NALCN: variants seen among roughly 807,000 people sequenced by gnomAD.
The protein encoded by NALCN is sodium leak channel, non-selective.
A neutral mutation model predicts 225.3 loss-of-function variants in NALCN; 111 were observed. The observed-to-expected ratio is 0.49, with a 90% confidence interval of 0.42 to 0.58. NALCN has a LOEUF of 0.58. Among genes scored for constraint, NALCN ranks in the 20% least tolerant of loss-of-function variants. NALCN has a pLI of 0.00. For missense variants in NALCN, 1,378 were observed against 2,202.4 expected (o/e 0.63, Z 7.49); for synonymous variants, 764 against 769.0 (o/e 0.99, Z 0.11).
chr13:101,055,669 A>G (rs1231775703), intron 43 of NALCN, among the ~76,000 whole-genome samples, 181 bp from the exon 44 acceptor site: 1 of 151,638 alleles, frequency 6.6e-6, no homozygotes, highest in Admixed American at 6.6e-5. Context: ...TTTTTTTTTA[A>G]TTGTGCTCAT....
chr13:101,152,194 T>C (rs551984346), intron 15 of NALCN, among the ~76,000 whole-genome samples: 3 of 152,216 alleles, frequency 2.0e-5, no homozygotes, highest in East Asian at 1.9e-4. Flanking sequence ...AAAAGCTACA[T>C]TTTTATGTGA....
chr13:101,166,114 T>G (rs1230462222), intron 15 of NALCN, among the ~76,000 whole-genome samples: 1 of 152,232 alleles, frequency 6.6e-6, no homozygotes, highest in African/African-American at 2.4e-5. Flanking sequence ...TTTCCTTGCG[T>G]GTAGATACCA....
chr13:101,093,663 T>C (rs1200657682), intron 28 of NALCN, among the ~76,000 whole-genome samples: 1 of 152,210 alleles, frequency 6.6e-6, no homozygotes, highest in Admixed American at 6.5e-5. Context: ...ATGGACTAGG[T>C]TGAGTGCTAT....
chr13:101,263,699 A>G (rs2042505966), intron 10 of NALCN, among the ~76,000 whole-genome samples: 1 of 152,226 alleles, frequency 6.6e-6, no homozygotes, highest in Non-Finnish European at 1.5e-5. Context: ...CAGAGTTATT[A>G]AAATAATCAC....
chr13:101,336,214 G>T (rs190959119), intron 7 of NALCN, among the ~76,000 whole-genome samples: 1 of 152,192 alleles, frequency 6.6e-6, no homozygotes, highest in African/African-American at 2.4e-5. Context: ...CACCAGTGAT[G>T]AAAATAATAA....
In NALCN at chr13:101,074,696, G is replaced by GAC; in HGVS notation, c.3955-35_3955-34insGT. On this transcript the variant is annotated intron_variant, in intron 35 of 43. Transcript: ENST00000251127. ...CAGGGGTGGGAAGCGGGGAGACAGAGAGAGAGAGAGAGAGAGACAGAGACA... is the reference window on the plus strand; with the variant it reads ...CAGGGGTGGGAAGCGGGGAGACAGAGACAGAGAGAGAGAGAGAGACAGAGACA... 5 of 1,182,254 alleles carry GAC rather than the reference G, an allele frequency of 4.2e-6. No individual in the cohort carries two copies. The South Asian group carries it at 5.5e-5, about 13-fold the overall frequency. The allele number at this position is 1,182,254 out of a possible 1,614,324, so 73.2% of individuals were successfully genotyped here.
In NALCN at chr13:101,230,148, G is replaced by C. The variant is rs531127620; in HGVS notation, c.1435-564C>G. ...GTTTAGACTTGGGTCCCATTCCCAG[G>C]ATATCTCATTATGCACATACATACA... On this transcript the variant is annotated intron_variant, in intron 12 of 43. Transcript: ENST00000251127. Among the ~76,000 whole-genome samples, 13 of 152,236 alleles carry C rather than the reference G, an allele frequency of 8.5e-5. No homozygotes were observed. In the South Asian group the frequency reaches 2.7e-3, roughly 32 times the overall value.
rs527657008 is a variant in NALCN, at chr13:101,258,524, G to A, written c.1185C>T (p.Thr395=). ...VFHMFILSMV[T]VDVIVAASNY... Reference sequence around the variant, plus strand: ...TGCTAGCCGCCACGATCACGTCCACGGTCACCATGCTCAGGATGAACATGT... The same window carrying A: ...TGCTAGCCGCCACGATCACGTCCACAGTCACCATGCTCAGGATGAACATGT... The change falls in exon 11 of 44, where the codon ACC becomes ACT. Residue 395 remains threonine, a synonymous_variant. Transcript: ENST00000251127. 13 of 1,614,084 alleles carry A rather than the reference G, an allele frequency of 8.1e-6. No individual in the cohort carries two copies. The highest frequency in any genetic ancestry group is 3.3e-4 in the Middle Eastern group (2 of 6,062).
At chr13:101,257,608 AG>A (rs2042282470) in intron 11 of NALCN, among the ~76,000 whole-genome samples, 1 of 152,062 alleles carries the variant, frequency 6.6e-6, no homozygotes, top group African/African-American at 2.4e-5. Context: ...CTGTCTTTTC[AG>A]TTTACTTTTT....
intron 17 of NALCN, among the ~76,000 whole-genome samples, chr13:101,141,692 G>C (rs1457530164): frequency 6.6e-6 from 1 of 151,990 alleles, no homozygotes; most frequent in African/African-American, 2.4e-5. Flanking sequence ...GAGAAAAAGG[G>C]GAGGCGAGAT....
intron 17 of NALCN, among the ~76,000 whole-genome samples, chr13:101,129,078 T>C (rs2036385117): frequency 6.6e-6 from 1 of 152,190 alleles, no homozygotes. Flanking sequence ...GGTCTTGATG[T>C]TCATTTCTTA....
intron 13 of NALCN, among the ~76,000 whole-genome samples, chr13:101,195,995 T>C (rs1299791672): frequency 6.6e-6 from 1 of 152,170 alleles, no homozygotes; most frequent in African/African-American, 2.4e-5. Flanking sequence ...TAGTCAATGT[T>C]TCCTATGAAA....
intron 30 of NALCN, among the ~76,000 whole-genome samples, chr13:101,087,679 C>T (rs1408091884): frequency 6.6e-6 from 1 of 152,160 alleles, no homozygotes; most frequent in Non-Finnish European, 1.5e-5. Flanking sequence ...TTACTCTTTC[C>T]TACCTGCAGA....
chr13:101,343,842 C>T (rs2046280011), intron 7 of NALCN, among the ~76,000 whole-genome samples: 1 of 152,144 alleles, frequency 6.6e-6, no homozygotes, highest in African/African-American at 2.4e-5. Context: ...GAATATAATG[C>T]TGCATTTTGA....
chr13:101,334,463 T>G (rs200843737), intron 7 of NALCN, among the ~76,000 whole-genome samples: 1 of 113,422 alleles, frequency 8.8e-6, no homozygotes, highest in South Asian at 2.9e-4. Context: ...ATGGGATGAA[T>G]ACATACATTC....
intron 13 of NALCN, among the ~76,000 whole-genome samples, chr13:101,227,558 G>T (rs2041193746): frequency 6.6e-6 from 1 of 152,124 alleles, no homozygotes; most frequent in Non-Finnish European, 1.5e-5. Flanking sequence ...AGGTTGCTGG[G>T]GGAGTGTGCT....
chr13:101,374,293 T>TTTTA, intron 6 of NALCN, among the ~76,000 whole-genome samples: 1 of 147,516 alleles, frequency 6.8e-6, no homozygotes, highest in African/African-American at 2.5e-5. Context: ...TTTTTTTTTT[T>TTTTA]GAGACGGAGT....
intron 22 of NALCN, 107 bp from the exon 23 acceptor site, chr13:101,105,057 C>A: frequency 1.1e-6 from 1 of 915,110 alleles, no homozygotes; most frequent in Non-Finnish European, 1.7e-6. Context: ...CTTTTACAGC[C>A]TCTCTACAAT....
chr13:101,153,856 T>C (rs912395192), intron 15 of NALCN, among the ~76,000 whole-genome samples: 1 of 152,230 alleles, frequency 6.6e-6, no homozygotes, highest in South Asian at 2.1e-4. Flanking sequence ...AGACTATCAA[T>C]TATGTACAGA....
Sources: allele counts gnomAD v4.1 joint callset (sites outside exome capture counted in the v4.1 genomes callset), GRCh38; gene constraint gnomAD v4.1.1; transcripts MANE v1.5; gene names NCBI Gene and HGNC (gene_info 2026-07-23, HGNC 2026-07-21).